Variants in TAFA4 observed in about 807,000 individuals in gnomAD.
TAFA4 encodes TAFA chemokine like family member 4, also known as chemokine-like protein TAFA-4.
In TAFA4, 20 loss-of-function variants were observed where a neutral mutation model predicts 21.1. The ratio of observed to expected loss-of-function variants is 0.95; its 90% CI spans 0.67 to 1.38. The LOEUF (loss-of-function observed/expected upper bound fraction) is 1.38, where lower values mean the gene tolerates loss of function less well. Among genes scored for constraint, TAFA4 ranks in the 40% most tolerant of loss-of-function variants. TAFA4 has a pLI of 0.00. For missense variants in TAFA4, 211 were observed against 180.9 expected (o/e 1.17, Z -0.95); for synonymous variants, 71 against 67.4 (o/e 1.05, Z -0.26).
At chr3:68,895,954 C>T (rs1224885043) in intron 1 of TAFA4, among the ~76,000 whole-genome samples, 1 of 152,150 alleles carries the variant, frequency 6.6e-6, no homozygotes, top group African/African-American at 2.4e-5. Context: ...ATGGCCTGGC[C>T]TCACTGAGAA....
intron 3 of TAFA4, among the ~76,000 whole-genome samples, chr3:68,817,702 C>T (rs577750728): frequency 3.3e-5 from 5 of 152,278 alleles, no homozygotes; most frequent in Non-Finnish European, 5.9e-5. Context: ...ACATCTCCAT[C>T]AGGCCTGTTG....
At chr3:68,743,035 T>C (rs1258296966) in intron 4 of TAFA4, among the ~76,000 whole-genome samples, 2 of 152,178 alleles carry the variant, frequency 1.3e-5, no homozygotes, top group African/African-American at 4.8e-5. Context: ...CCAGACATTG[T>C]AGAATCTTCT....
intron 3 of TAFA4, among the ~76,000 whole-genome samples, chr3:68,790,337 A>G (rs1447546561): frequency 6.6e-6 from 1 of 152,216 alleles, no homozygotes; most frequent in Non-Finnish European, 1.5e-5. Context: ...ACTAAAAATT[A>G]TTCAAATAAA....
chr3:68,778,199 A>G (rs1703083518), intron 3 of TAFA4, among the ~76,000 whole-genome samples: 1 of 152,202 alleles, frequency 6.6e-6, no homozygotes, highest in Non-Finnish European at 1.5e-5. Flanking sequence ...AAAAGAATGA[A>G]AAATATATAC....
intron 3 of TAFA4, among the ~76,000 whole-genome samples, chr3:68,863,951 T>G (rs1281724000): frequency 6.6e-6 from 1 of 152,064 alleles, no homozygotes; most frequent in African/African-American, 2.4e-5. Context: ...ATACAAAAAT[T>G]AACTCAAAAT....
chr3:68,742,723 A>G (rs1702380647), intron 4 of TAFA4, among the ~76,000 whole-genome samples: 1 of 152,192 alleles, frequency 6.6e-6, no homozygotes, highest in Admixed American at 6.5e-5. Flanking sequence ...TTTTGAAATA[A>G]AAAATATTTT....
At chr3:68,763,351 A>G (rs1288076580) in intron 3 of TAFA4, among the ~76,000 whole-genome samples, 1 of 152,146 alleles carries the variant, frequency 6.6e-6, no homozygotes, top group Admixed American at 6.5e-5. Flanking sequence ...TCTAAGAATT[A>G]TATCCCAGCT....
At chr3:68,790,334 A>G (rs1027704348) in intron 3 of TAFA4, among the ~76,000 whole-genome samples, 18 of 152,210 alleles carry the variant, frequency 1.2e-4, no homozygotes, top group Non-Finnish European at 2.6e-4. Flanking sequence ...AATACTAAAA[A>G]TTATTCAAAT....
chr3:68,897,916 A>C (rs374866451), intron 1 of TAFA4, among the ~76,000 whole-genome samples: 1 of 152,176 alleles, frequency 6.6e-6, no homozygotes, highest in Non-Finnish European at 1.5e-5. Flanking sequence ...ACTGTACCTC[A>C]CAGGAAGTCA....
chr3:68,830,015 T>C (rs895859429), intron 3 of TAFA4, among the ~76,000 whole-genome samples: 1 of 152,228 alleles, frequency 6.6e-6, no homozygotes, highest in Admixed American at 6.5e-5. Flanking sequence ...TTTGTGTTTC[T>C]GTGGTATCAG....
At chr3:68,931,168 A>C (rs1329169873) in intron 1 of TAFA4, among the ~76,000 whole-genome samples, 1 of 152,174 alleles carries the variant, frequency 6.6e-6, no homozygotes. Context: ...ATCCCCACAC[A>C]CGGGGATCGC....
At chr3:68,777,483 A>G (rs928803184) in intron 3 of TAFA4, among the ~76,000 whole-genome samples, 2 of 152,132 alleles carry the variant, frequency 1.3e-5, no homozygotes, top group South Asian at 4.1e-4. Flanking sequence ...TTTAACTGTA[A>G]ATTAATTAAA....
chr3:68,819,274 TAAA>T (rs59090610), intron 3 of TAFA4, among the ~76,000 whole-genome samples: 11,889 of 109,478 alleles, frequency 0.11, 734 homozygotes, highest in African/African-American at 0.18. Context: ...TGTCTTTAAT[TAAA>T]AAAAAAAAAA....
intron 3 of TAFA4, among the ~76,000 whole-genome samples, chr3:68,879,941 G>A (rs1380808633): frequency 1.3e-5 from 2 of 152,156 alleles, no homozygotes; most frequent in African/African-American, 2.4e-5. Flanking sequence ...AGCTGAGAGA[G>A]TAAATTAATT....
At chr3:68,771,953 C>T (rs142459330) in intron 3 of TAFA4, among the ~76,000 whole-genome samples, 1 of 152,030 alleles carries the variant, frequency 6.6e-6, no homozygotes, top group African/African-American at 2.4e-5. Context: ...CTTGGTAAGA[C>T]TCAAAAGCAA....
chr3:68,803,348 G>A (rs906287553), intron 3 of TAFA4, among the ~76,000 whole-genome samples: 2 of 152,174 alleles, frequency 1.3e-5, no homozygotes, highest in Non-Finnish European at 2.9e-5. Context: ...TGGGAAGAGG[G>A]AGATTTGATT....
chr3:68,865,349 GA>G (rs1463191891), intron 3 of TAFA4, among the ~76,000 whole-genome samples: 1 of 151,802 alleles, frequency 6.6e-6, no homozygotes, highest in Admixed American at 6.6e-5. Flanking sequence ...ATCTCATCCT[GA>G]ATTGTAGTTC....
At chr3:68,893,277 A>G (rs1048649791) in intron 1 of TAFA4, among the ~76,000 whole-genome samples, 9 of 152,352 alleles carry the variant, frequency 5.9e-5, no homozygotes, top group African/African-American at 1.9e-4. Flanking sequence ...TACATAAAAA[A>G]TATTTGTAAA....
chr3:68,829,556 T>C (rs1268467255), intron 3 of TAFA4, among the ~76,000 whole-genome samples: 1 of 152,232 alleles, frequency 6.6e-6, no homozygotes, highest in Non-Finnish European at 1.5e-5. Context: ...ATCTGGTGGA[T>C]AAGTTTCTTG....
Sources: gnomAD v4.1 joint callset for allele counts (sites outside exome capture counted in the v4.1 genomes callset) on GRCh38, gnomAD v4.1.1 for gene constraint, MANE v1.5 for transcripts, NCBI Gene and HGNC (gene_info 2026-07-23, HGNC 2026-07-21) for gene names.